KDM2A: variants seen among roughly 807,000 people sequenced by gnomAD.
KDM2A encodes lysine demethylase 2A.
A neutral mutation model predicts 137.3 loss-of-function variants in KDM2A; 3 were observed. The observed-to-expected ratio is 0.02, with a 90% CI of 0.01 to 0.06. The LOEUF (loss-of-function observed/expected upper bound fraction) is 0.06. KDM2A is among the 10% of genes least tolerant of loss of function. The pLI, the probability that KDM2A is intolerant of heterozygous loss-of-function variation, is 1.00. For missense variants in KDM2A, 738 were observed against 1,510.6 expected (o/e 0.49, Z 8.48); for synonymous variants, 512 against 541.5 (o/e 0.95, Z 0.76).
chr11:67,139,552 G>C (rs1262718396), intron 2 of KDM2A, among the ~76,000 whole-genome samples: 1 of 151,292 alleles, frequency 6.6e-6, no homozygotes, highest in Admixed American at 6.6e-5. Context: ...GCCTCTTTTT[G>C]TTTTTTAGAG....
At chr11:67,124,231 T>G (rs961762325) in intron 2 of KDM2A, among the ~76,000 whole-genome samples, 5 of 152,230 alleles carry the variant, frequency 3.3e-5, no homozygotes, top group Non-Finnish European at 4.4e-5. Flanking sequence ...CTTGAACTCC[T>G]GACCTCAGAT....
intron 12 of KDM2A, among the ~76,000 whole-genome samples, chr11:67,241,795 G>A (rs1392807125): frequency 6.6e-6 from 1 of 152,230 alleles, no homozygotes; most frequent in African/African-American, 2.4e-5. Context: ...TTGGCCAGGT[G>A]CAGTGGCTCA....
intron 12 of KDM2A, among the ~76,000 whole-genome samples, chr11:67,238,038 A>G (rs1858921611): frequency 6.6e-6 from 1 of 152,192 alleles, no homozygotes; most frequent in South Asian, 2.1e-4. Flanking sequence ...CTGAATAGAA[A>G]GTTTTAAGTA....
intron 2 of KDM2A, among the ~76,000 whole-genome samples, chr11:67,171,921 C>A (rs1270396834): frequency 6.6e-6 from 1 of 152,232 alleles, no homozygotes; most frequent in African/African-American, 2.4e-5. Flanking sequence ...AACACCAGTA[C>A]CACCCAGTCT....
At chr11:67,206,829 C>T (rs749049046) in intron 5 of KDM2A, among the ~76,000 whole-genome samples, 7 of 152,178 alleles carry the variant, frequency 4.6e-5, no homozygotes, top group South Asian at 2.1e-4. Context: ...TGGCCTTATG[C>T]GTTTTGTTGT....
At chr11:67,171,521 G>A (rs1445302507) in intron 2 of KDM2A, among the ~76,000 whole-genome samples, 1 of 152,168 alleles carries the variant, frequency 6.6e-6, no homozygotes, top group Non-Finnish European at 1.5e-5. Context: ...ACTGCCTATA[G>A]TTGCACAGCA....
At chr11:67,181,027 A>T (rs1857081204) in intron 3 of KDM2A, among the ~76,000 whole-genome samples, 1 of 150,070 alleles carries the variant, frequency 6.7e-6, no homozygotes, top group Non-Finnish European at 1.5e-5. Context: ...CATTTATAAG[A>T]TGACTCACTA....
chr11:67,170,354 C>T (rs114925794), intron 2 of KDM2A, among the ~76,000 whole-genome samples: 182 of 148,134 alleles, frequency 1.2e-3, no homozygotes, highest in African/African-American at 4.1e-3. Context: ...CAGGGAAGAT[C>T]CTTTGCTAAT....
chr11:67,161,154 G>C (rs1444169338), intron 2 of KDM2A, among the ~76,000 whole-genome samples: 1 of 152,178 alleles, frequency 6.6e-6, no homozygotes, highest in East Asian at 1.9e-4. Flanking sequence ...TTGAGGCTAG[G>C]AGTTTGAGAC....
intron 2 of KDM2A, among the ~76,000 whole-genome samples, chr11:67,168,053 T>G (rs577157458): frequency 6.6e-6 from 1 of 152,334 alleles, no homozygotes; most frequent in African/African-American, 2.4e-5. Context: ...CTTAGGGCAT[T>G]TTAATTAAAA....
At chr11:67,206,566 G>A (rs747297132) in intron 5 of KDM2A, among the ~76,000 whole-genome samples, 3 of 152,116 alleles carry the variant, frequency 2.0e-5, no homozygotes, top group Non-Finnish European at 2.9e-5. Flanking sequence ...GTGAAACCCC[G>A]TCTCTACTAA....
At chr11:67,219,187 C>G in intron 9 of KDM2A, 101 bp from the exon 10 acceptor site, 1 of 470,218 alleles carries the variant, frequency 2.1e-6, no homozygotes, top group Non-Finnish European at 3.8e-6. Flanking sequence ...GAAGCAGAAT[C>G]AGAGTGAAGA....
At chr11:67,140,277 G>A (rs1856068663) in intron 2 of KDM2A, among the ~76,000 whole-genome samples, 1 of 151,814 alleles carries the variant, frequency 6.6e-6, no homozygotes, top group Admixed American at 6.6e-5. Flanking sequence ...GAGGTGGAAG[G>A]ATCACTTGAG....
intron 10 of KDM2A, among the ~76,000 whole-genome samples, chr11:67,220,676 C>A (rs1194855826): frequency 2.0e-5 from 3 of 152,094 alleles, no homozygotes; most frequent in Admixed American, 6.6e-5. Flanking sequence ...CAAGAGTTGA[C>A]AAACTTTTCC....
intron 19 of KDM2A, 149 bp downstream of exon 19, chr11:67,253,760 A>AC: frequency 1.2e-6 from 1 of 806,376 alleles, no homozygotes; most frequent in Non-Finnish European, 2.0e-6. Context: ...TGGACTGTGT[A>AC]CAAGAATAGG....
intron 4 of KDM2A, among the ~76,000 whole-genome samples, 185 bp downstream of exon 4, chr11:67,181,583 A>G (rs571830758): frequency 1.3e-5 from 2 of 152,002 alleles, no homozygotes; most frequent in South Asian, 2.1e-4. Context: ...ATGAGAAAAT[A>G]TAGATGAACC....
At chr11:67,137,565 A>G (rs1353206277) in intron 2 of KDM2A, among the ~76,000 whole-genome samples, 1 of 152,130 alleles carries the variant, frequency 6.6e-6, no homozygotes, top group Non-Finnish European at 1.5e-5. Context: ...AAAGGAGGTA[A>G]ATATAAGTAT....
chr11:67,157,762 A>AAACTT (rs887598759), intron 2 of KDM2A, among the ~76,000 whole-genome samples: 2 of 151,842 alleles, frequency 1.3e-5, no homozygotes, highest in Non-Finnish European at 2.9e-5. Context: ...AAAAAAAAAA[A>AAACTT]AACTTGCATT....
chr11:67,125,876 G>C (rs1010328635), intron 2 of KDM2A, among the ~76,000 whole-genome samples: 2 of 146,574 alleles, frequency 1.4e-5, no homozygotes, highest in African/African-American at 5.1e-5. Flanking sequence ...CCGGGAGGCA[G>C]AGGTTGCAGT....
Sources: allele counts gnomAD v4.1 joint callset (sites outside exome capture counted in the v4.1 genomes callset), GRCh38; gene constraint gnomAD v4.1.1; transcripts MANE v1.5; gene names NCBI Gene and HGNC (gene_info 2026-07-23, HGNC 2026-07-21).